Variants in AGBL4 observed in about 807,000 individuals in gnomAD.
AGBL4 encodes the protein AGBL carboxypeptidase 4.
In AGBL4, 58 loss-of-function variants were observed where a neutral mutation model predicts 66.4. The ratio of observed to expected loss-of-function variants is 0.87; its 90% CI spans 0.71 to 1.09. The LOEUF is 1.09. Among genes scored for constraint, AGBL4 ranks in the 50% least tolerant of loss-of-function variants. AGBL4 has a pLI of 0.00. For missense variants in AGBL4, 579 were observed against 631.0 expected (o/e 0.92, Z 0.88); for synonymous variants, 234 against 222.9 (o/e 1.05, Z -0.44).
intron 3 of AGBL4, among the ~76,000 whole-genome samples, chr1:49,466,220 A>G (rs1345536462): frequency 6.6e-6 from 1 of 151,850 alleles, no homozygotes; most frequent in Non-Finnish European, 1.5e-5. Flanking sequence ...TTTCCAATCT[A>G]TGTTCTTGAG....
intron 6 of AGBL4, among the ~76,000 whole-genome samples, chr1:48,804,048 A>C (rs1054770266): frequency 1.3e-5 from 2 of 152,202 alleles, no homozygotes; most frequent in African/African-American, 4.8e-5. Flanking sequence ...AAAATCCCAA[A>C]AAGTGATAGC....
intron 2 of AGBL4, among the ~76,000 whole-genome samples, chr1:49,800,727 G>T (rs1375373265): frequency 1.0e-5 from 1 of 100,216 alleles, no homozygotes; most frequent in African/African-American, 3.9e-5. Context: ...AGTATTCCAT[G>T]GTGTATATGT....
At chr1:49,990,973 A>G (rs917716004) in intron 1 of AGBL4, among the ~76,000 whole-genome samples, 7 of 152,226 alleles carry the variant, frequency 4.6e-5, no homozygotes, top group Non-Finnish European at 1.0e-4. Flanking sequence ...CGTAATCGTC[A>G]TTAAAAAAAC....
intron 5 of AGBL4, among the ~76,000 whole-genome samples, chr1:48,872,663 A>G (rs1016760410): frequency 6.7e-6 from 1 of 150,256 alleles, no homozygotes; most frequent in African/African-American, 2.5e-5. Flanking sequence ...AAAACAAACA[A>G]AACAAACAAA....
intron 3 of AGBL4, among the ~76,000 whole-genome samples, chr1:49,397,149 C>A (rs1461954527): frequency 6.6e-6 from 1 of 152,044 alleles, no homozygotes; most frequent in African/African-American, 2.4e-5. Flanking sequence ...TCCTAACAGG[C>A]CACAAACCAG....
intron 5 of AGBL4, among the ~76,000 whole-genome samples, chr1:48,917,523 C>T (rs547119941): frequency 6.6e-6 from 1 of 152,268 alleles, no homozygotes; most frequent in African/African-American, 2.4e-5. Context: ...TCACAAAACT[C>T]CCATGAACAA....
At chr1:48,777,072 G>A (rs1050404358) in intron 6 of AGBL4, 1 of 372,390 alleles carries the variant, frequency 2.7e-6, no homozygotes, top group Non-Finnish European at 4.7e-6. Flanking sequence ...GGCGGATGAG[G>A]GGGGTTTGGA....
chr1:48,532,079 C>T (rs145777922), downstream of AGBL4, among the ~76,000 whole-genome samples: 98 of 152,278 alleles, frequency 6.4e-4, no homozygotes, highest in Non-Finnish European at 1.0e-3. Flanking sequence ...CCACCGCACC[C>T]GGCCTATTTT....
At chr1:48,875,827 C>T (rs1442617242) in intron 5 of AGBL4, among the ~76,000 whole-genome samples, 1 of 152,180 alleles carries the variant, frequency 6.6e-6, no homozygotes, top group African/African-American at 2.4e-5. Flanking sequence ...CCCTTTTTTA[C>T]AAATGAAGAA....
At chr1:49,103,385 C>T (rs1013944388) in intron 4 of AGBL4, among the ~76,000 whole-genome samples, 3 of 152,010 alleles carry the variant, frequency 2.0e-5, no homozygotes, top group Non-Finnish European at 2.9e-5. Context: ...ATGAACAGGG[C>T]GCCTATAAGT....
At chr1:49,592,234 T>C (rs963354173) in intron 3 of AGBL4, among the ~76,000 whole-genome samples, 4 of 151,436 alleles carry the variant, frequency 2.6e-5, no homozygotes, top group Admixed American at 1.3e-4. Context: ...CTTAAACAAA[T>C]CAAATAAGCA....
chr1:49,165,880 T>C (rs1479709884), intron 4 of AGBL4, among the ~76,000 whole-genome samples: 1 of 152,016 alleles, frequency 6.6e-6, no homozygotes, highest in Non-Finnish European at 1.5e-5. Context: ...CTATTAATAA[T>C]AATAAACTCC....
intron 11 of AGBL4, among the ~76,000 whole-genome samples, chr1:48,550,258 G>A (rs1644229130): frequency 6.6e-6 from 1 of 152,182 alleles, no homozygotes; most frequent in African/African-American, 2.4e-5. Context: ...GAGGCCAGAA[G>A]TCAGAAATCA....
At chr1:49,522,376 A>AATCT (rs971954318) in intron 3 of AGBL4, among the ~76,000 whole-genome samples, 1 of 152,084 alleles carries the variant, frequency 6.6e-6, no homozygotes, top group Non-Finnish European at 1.5e-5. Context: ...TCTTCAGAGA[A>AATCT]ATCTCCCTGT....
At chr1:48,685,860 G>A (rs145380188) in intron 6 of AGBL4, among the ~76,000 whole-genome samples, 14 of 152,292 alleles carry the variant, frequency 9.2e-5, no homozygotes, top group African/African-American at 3.4e-4. Context: ...CTTAAGCTCT[G>A]GATCATGATG....
intron 5 of AGBL4, among the ~76,000 whole-genome samples, chr1:48,892,602 A>T (rs1651077703): frequency 6.6e-6 from 1 of 152,158 alleles, no homozygotes; most frequent in Admixed American, 6.5e-5. Context: ...TGAAGCGGGG[A>T]GGGGGCTTCA....
chr1:49,908,410 T>G (rs1650484157), intron 1 of AGBL4, among the ~76,000 whole-genome samples: 1 of 152,178 alleles, frequency 6.6e-6, no homozygotes. Context: ...AAGATCTGGC[T>G]GTTTAAAAGT....
chr1:49,438,096 A>C (rs904358020), intron 3 of AGBL4, among the ~76,000 whole-genome samples: 1 of 152,046 alleles, frequency 6.6e-6, no homozygotes. Context: ...TATATTACTG[A>C]CTCCATTTTA....
chr1:49,991,450 A>T (rs1021646791), intron 1 of AGBL4, among the ~76,000 whole-genome samples: 3 of 152,178 alleles, frequency 2.0e-5, no homozygotes, highest in African/African-American at 7.2e-5. Flanking sequence ...TTTGCCAAAA[A>T]TTTTACAAAG....
Sources: allele counts gnomAD v4.1 joint callset (sites outside exome capture counted in the v4.1 genomes callset), GRCh38; gene constraint gnomAD v4.1.1; transcripts MANE v1.5; gene names NCBI Gene and HGNC (gene_info 2026-07-23, HGNC 2026-07-21).